DIS3L2: variants seen among roughly 807,000 people sequenced by gnomAD.
DIS3L2 encodes the protein DIS3-like exonuclease 2.
In DIS3L2, 34 loss-of-function variants were observed where a neutral mutation model predicts 97.5. The ratio of observed to expected loss-of-function variants is 0.35; its 90% CI spans 0.27 to 0.46. The LOEUF (loss-of-function observed/expected upper bound fraction) is 0.46. DIS3L2 is among the 20% of genes least tolerant of loss of function. The pLI is 1.00. For missense variants in DIS3L2, 1,038 were observed against 1,146.0 expected, an observed-to-expected ratio of 0.91 and a Z score of 1.36; for synonymous variants, 435 against 445.2, an observed-to-expected ratio of 0.98 and a Z score of 0.29.
At chr2:232,340,866 T>C (rs767183946), downstream of DIS3L2, 30 of 471,294 alleles carry the variant, frequency 6.4e-5, no homozygotes, top group Admixed American at 1.6e-4. Context: ...CAGCCAGGGA[T>C]TGCCCTTCGT....
At chr2:232,339,092 G>A (rs1458199260), downstream of DIS3L2, among the ~76,000 whole-genome samples, 1 of 152,206 alleles carries the variant, frequency 6.6e-6, no homozygotes, top group Non-Finnish European at 1.5e-5. Context: ...GCAGGCAGTG[G>A]CCCAGCCTGA....
intron 12 of DIS3L2, among the ~76,000 whole-genome samples, chr2:232,255,740 C>T (rs1301934735): frequency 6.6e-6 from 1 of 152,170 alleles, no homozygotes; most frequent in Non-Finnish European, 1.5e-5. Context: ...TTTGCGTCTC[C>T]TGTGACATCC....
intron 9 of DIS3L2, among the ~76,000 whole-genome samples, chr2:232,176,417 TTTC>T (rs1205782552): frequency 6.6e-6 from 1 of 152,124 alleles, no homozygotes; most frequent in African/African-American, 2.4e-5. Context: ...CAACTTTTAT[TTTC>T]TTCTTATTCT....
rs4640379 is a variant in DIS3L2, at chr2:232,276,667, C to T, written c.1659+13227C>T. On this transcript the variant is annotated intron_variant, in intron 13 of 20. Coordinates refer to ENST00000325385, the MANE Select transcript of DIS3L2 (RefSeq NM_152383.5). The surrounding 1 kb of genome is among the most constrained non-coding windows in gnomAD (Gnocchi z 4.4). ...TGACTGTTTATTTGAACATCTCCTGCGCAACAAGAGAATGTAGTGATCAAG... is the reference window on the plus strand; with the variant it reads ...TGACTGTTTATTTGAACATCTCCTGTGCAACAAGAGAATGTAGTGATCAAG... 0.36 allele frequency among the ~76,000 whole-genome samples: 54,031 copies of T among 152,132 alleles called. 13,380 individuals are homozygous for T. Among genetic ancestry groups the T allele is most frequent in the African/African-American group, 0.71 (29,523 of 41,498 alleles).
At chr2:232,181,664 T>C (rs1426396934) in intron 9 of DIS3L2, among the ~76,000 whole-genome samples, 1 of 152,024 alleles carries the variant, frequency 6.6e-6, no homozygotes, top group Non-Finnish European at 1.5e-5. Context: ...TTTGAGACAA[T>C]GTCTCACTCT....
intron 20 of DIS3L2, 45 bp downstream of exon 20, chr2:232,335,919 C>G: frequency 1.3e-6 from 2 of 1,548,908 alleles, no homozygotes; most frequent in Non-Finnish European, 1.7e-6. Context: ...CTGATGACCC[C>G]TCTCCTGCCT....
chr2:232,243,057 G>A (rs1297732498), intron 11 of DIS3L2, among the ~76,000 whole-genome samples: 1 of 152,226 alleles, frequency 6.6e-6, no homozygotes, highest in East Asian at 1.9e-4. Flanking sequence ...GTACAGAAGT[G>A]CCCCAAAGGT....
rs1694407650 is a variant in DIS3L2, at chr2:232,285,639, T to G, written c.1660-14401T>G. 2.0e-5 allele frequency among the ~76,000 whole-genome samples: 3 copies of G among 152,204 alleles called. No individual in the cohort carries two copies. The South Asian group carries it at 6.2e-4, about 32-fold the overall frequency. On this transcript the variant is annotated intron_variant, in intron 13 of 20. Coordinates refer to ENST00000325385, the MANE Select transcript of DIS3L2 (RefSeq NM_152383.5). ...GAAATGCCAAGACTTTAGAGCCGTA[T>G]GGGTTTGAGTTCCATTTCCAGGTTG...
intron 6 of DIS3L2, among the ~76,000 whole-genome samples, chr2:232,109,964 A>G (rs988873392): frequency 2.4e-4 from 36 of 152,230 alleles, no homozygotes; most frequent in African/African-American, 8.0e-4. Context: ...TCCATCTGAC[A>G]AAAGTCTAAT....
intron 10 of DIS3L2, 41 bp from the exon 11 acceptor site, chr2:232,238,492 C>G: frequency 6.4e-7 from 1 of 1,551,686 alleles, no homozygotes; most frequent in Non-Finnish European, 8.9e-7. Flanking sequence ...AATGCTGTGG[C>G]CTTCCACGCC....
chr2:231,988,003 C>G (rs542610707), intron 1 of DIS3L2, among the ~76,000 whole-genome samples: 11 of 152,224 alleles, frequency 7.2e-5, no homozygotes, highest in East Asian at 3.9e-4. Context: ...GCCACCACGC[C>G]CAGCTAGTTT....
intron 6 of DIS3L2, among the ~76,000 whole-genome samples, chr2:232,104,246 C>T (rs1023371950): frequency 2.0e-5 from 3 of 152,104 alleles, no homozygotes; most frequent in African/African-American, 7.2e-5. Context: ...CCTTGAGTAA[C>T]TCCTGGATTC....
chr2:232,205,051 G>A (rs1218946846), intron 9 of DIS3L2, among the ~76,000 whole-genome samples: 1 of 152,012 alleles, frequency 6.6e-6, no homozygotes, highest in African/African-American at 2.4e-5. Flanking sequence ...AGCCCTCTGA[G>A]TTTTGCTGTC....
chr2:231,966,661 T>C (rs1430355593), intron 1 of DIS3L2, among the ~76,000 whole-genome samples: 1 of 129,728 alleles, frequency 7.7e-6, no homozygotes, highest in Non-Finnish European at 1.6e-5. Context: ...TTTTTTTTTT[T>C]TTTTTTTTTT....
intron 1 of DIS3L2, 96 bp downstream of exon 1, chr2:231,961,861 C>G (rs1246633840): frequency 6.6e-6 from 1 of 152,654 alleles, no homozygotes; most frequent in South Asian, 2.1e-4. Flanking sequence ...CTCCGCGGCG[C>G]TTCGCCCGGC....
At chr2:232,229,666 A>G (rs1473008134) in intron 10 of DIS3L2, among the ~76,000 whole-genome samples, 1 of 152,268 alleles carries the variant, frequency 6.6e-6, no homozygotes, top group Non-Finnish European at 1.5e-5. Flanking sequence ...CATGCTGTTC[A>G]TATAAATTTA....
chr2:232,065,680 A>G (rs188492623), intron 5 of DIS3L2, among the ~76,000 whole-genome samples: 1 of 151,980 alleles, frequency 6.6e-6, no homozygotes, highest in African/African-American at 2.4e-5. Flanking sequence ...ATTGATGGGA[A>G]ATTTAGAATT....
At chr2:232,184,429 T>C (rs929042407) in intron 9 of DIS3L2, among the ~76,000 whole-genome samples, 2 of 152,134 alleles carry the variant, frequency 1.3e-5, no homozygotes, top group Non-Finnish European at 1.5e-5. Flanking sequence ...TTTGGGTGGA[T>C]TGATTGAGTC....
intron 1 of DIS3L2, among the ~76,000 whole-genome samples, chr2:232,006,728 AAAG>A (rs1466745259): frequency 6.6e-6 from 1 of 152,202 alleles, no homozygotes; most frequent in Non-Finnish European, 1.5e-5. Context: ...TAAGTGAAAA[AAAG>A]AGGAGTCTGT....
Sources: allele counts gnomAD v4.1 joint callset (sites outside exome capture counted in the v4.1 genomes callset), GRCh38; gene constraint gnomAD v4.1.1; non-coding constraint Gnocchi (gnomAD v3.1); transcripts MANE v1.5; gene names NCBI Gene and HGNC (gene_info 2026-07-23, HGNC 2026-07-21).